The following SUPT3H variants were observed in gnomAD, a reference collection of about 807,000 sequenced individuals.
SUPT3H encodes transcription initiation protein SPT3 homolog.
Under a neutral mutation model 44.3 loss-of-function variants are expected in SUPT3H, and 44 were observed. That is an observed-to-expected ratio of 0.99 (90% confidence interval 0.78 to 1.28). The LOEUF (loss-of-function observed/expected upper bound fraction) is 1.28, where lower values mean the gene tolerates loss of function less well. Among genes scored for constraint, SUPT3H ranks in the 50% most tolerant of loss-of-function variants. The pLI is 0.00. For synonymous variants in SUPT3H, 124 were observed against 125.6 expected (o/e 0.99, Z 0.09); for missense variants, 380 against 387.1 (o/e 0.98, Z 0.15).
In SUPT3H at chr6:44,827,076, AG is replaced by A. The variant is rs1767838445; in HGVS notation, c.*2739del. On this transcript the variant is annotated 3_prime_UTR_variant, in exon 11 of 11. Transcript: ENST00000371459. ...TTCTACTTTCTTTACCCTTAAATCT[AG>A]GAAGCAGTATCAAGAGACGCTATTT... Among the ~76,000 whole-genome samples, 1 of 152,174 alleles carries A rather than the reference AG, an allele frequency of 6.6e-6. No individual in the cohort carries two copies. The highest frequency in any genetic ancestry group is 2.4e-5 in the African/African-American group (1 of 41,476).
chr6:45,126,908 T>TA (rs1021229801), intron 2 of SUPT3H, among the ~76,000 whole-genome samples: 2 of 151,978 alleles, frequency 1.3e-5, no homozygotes, highest in African/African-American at 2.4e-5. Flanking sequence ...AAAGCTTGCC[T>TA]AAAAAAAATT....
chr6:45,129,434 T>G (rs1462963496), intron 2 of SUPT3H, among the ~76,000 whole-genome samples: 1 of 152,370 alleles, frequency 6.6e-6, no homozygotes, highest in East Asian at 1.9e-4. Context: ...TTTCTAGTTA[T>G]GTGGTCTCAC....
chr6:44,902,062 C>T (rs1015053497), intron 10 of SUPT3H, among the ~76,000 whole-genome samples: 6 of 152,086 alleles, frequency 3.9e-5, no homozygotes, highest in Admixed American at 3.9e-4. Flanking sequence ...CCAGCCACTG[C>T]AAAATCATGC....
At chr6:44,838,920 C>G (rs1770427977) in intron 10 of SUPT3H, among the ~76,000 whole-genome samples, 1 of 152,182 alleles carries the variant, frequency 6.6e-6, no homozygotes, top group Non-Finnish European at 1.5e-5. Flanking sequence ...ATTTCTAAAA[C>G]AGAGTTGTGT....
chr6:45,087,978 A>G (rs1224220871), intron 3 of SUPT3H, among the ~76,000 whole-genome samples: 1 of 152,074 alleles, frequency 6.6e-6, no homozygotes, highest in Non-Finnish European at 1.5e-5. Context: ...AAGTGCTTTC[A>G]GTCAATGCTG....
At chr6:45,353,571 A>T (rs1453957512) in intron 2 of SUPT3H, among the ~76,000 whole-genome samples, 2 of 152,124 alleles carry the variant, frequency 1.3e-5, no homozygotes, top group Non-Finnish European at 2.9e-5. Context: ...CTGGCAAATC[A>T]ATTTGAAGAA....
At chr6:45,119,238 A>G (rs1186440095) in intron 2 of SUPT3H, among the ~76,000 whole-genome samples, 21 of 152,222 alleles carry the variant, frequency 1.4e-4, no homozygotes, top group Admixed American at 1.4e-3. Context: ...ACATAGTTGT[A>G]TAGTTATGTA....
intron 2 of SUPT3H, among the ~76,000 whole-genome samples, chr6:45,273,728 G>A (rs902096006): frequency 3.8e-4 from 57 of 151,942 alleles, no homozygotes; most frequent in Admixed American, 3.7e-3. Flanking sequence ...CAAATATTTG[G>A]GTCATTTTTA....
intron 2 of SUPT3H, among the ~76,000 whole-genome samples, chr6:45,308,603 G>T (rs943092706): frequency 8.5e-5 from 13 of 152,266 alleles, no homozygotes; most frequent in Admixed American, 7.8e-4. Flanking sequence ...GGGATCGGGG[G>T]AGGGAGGAGG....
At chr6:44,935,391 G>A (rs1021656753) in intron 9 of SUPT3H, among the ~76,000 whole-genome samples, 10 of 152,046 alleles carry the variant, frequency 6.6e-5, no homozygotes, top group African/African-American at 1.7e-4. Context: ...CTATAAACAC[G>A]TGTGAAGAGC....
intron 10 of SUPT3H, among the ~76,000 whole-genome samples, chr6:44,930,856 T>C (rs1770475057): frequency 6.6e-6 from 1 of 152,230 alleles, no homozygotes; most frequent in Non-Finnish European, 1.5e-5. Context: ...GCCCATTCTT[T>C]ATGTTTATTA....
intron 4 of SUPT3H, among the ~76,000 whole-genome samples, chr6:45,018,534 T>G (rs1014510133): frequency 2.0e-5 from 3 of 152,174 alleles, no homozygotes; most frequent in African/African-American, 7.2e-5. Context: ...AATACCTAAT[T>G]TATTGAGCGT....
chr6:45,230,688 T>TATATATATATATA (rs1562747134), intron 2 of SUPT3H, among the ~76,000 whole-genome samples: 2 of 39,854 alleles, frequency 5.0e-5, no homozygotes, highest in East Asian at 1.0e-3. Context: ...ATATATATAT[T>TATATATATATATA]TTTGAGATGG....
intron 2 of SUPT3H, among the ~76,000 whole-genome samples, chr6:45,336,199 CTT>C (rs1052134894): frequency 2.6e-5 from 4 of 151,368 alleles, no homozygotes; most frequent in Non-Finnish European, 5.9e-5. Flanking sequence ...ATTTTAAAAA[CTT>C]TTTACCACTA....
intron 2 of SUPT3H, among the ~76,000 whole-genome samples, chr6:45,133,295 A>C (rs538315405): frequency 3.5e-4 from 53 of 152,304 alleles, no homozygotes; most frequent in Admixed American, 6.5e-4. Context: ...TTATCTTCAA[A>C]AAGTGTTTTG....
At chr6:45,281,933 T>C (rs1012640509) in intron 2 of SUPT3H, among the ~76,000 whole-genome samples, 1 of 152,176 alleles carries the variant, frequency 6.6e-6, no homozygotes, top group African/African-American at 2.4e-5. Context: ...TGCTCACCAA[T>C]ATCTGCTGTT....
At chr6:45,374,553 C>T (rs1376670156) in intron 1 of SUPT3H, among the ~76,000 whole-genome samples, 1 of 152,240 alleles carries the variant, frequency 6.6e-6, no homozygotes. Flanking sequence ...TATAATAATG[C>T]ATATGGCTGA....
rs1370661500 is a variant in SUPT3H, at chr6:45,128,553, TATATACAC to T, written c.102-22555_102-22548del. On this transcript the variant is annotated intron_variant, in intron 2 of 10. Coordinates refer to ENST00000371459, the MANE Select transcript of SUPT3H (RefSeq NM_003599.4). ...AAAAAAATATATATATATATATATA[TATATACAC>T]ACACACACACACACACACACACATA... Among the ~76,000 whole-genome samples, 442 of 64,420 alleles carry T rather than the reference TATATACAC, an allele frequency of 6.9e-3. 10 individuals are homozygous for T. The highest frequency in any genetic ancestry group is 0.032 in the African/African-American group (397 of 12,218). The allele number at this position is 64,420 out of a possible 152,430, so 42.3% of individuals were successfully genotyped here.
intron 6 of SUPT3H, among the ~76,000 whole-genome samples, chr6:44,964,433 C>T (rs1776496756): frequency 6.6e-6 from 1 of 152,134 alleles, no homozygotes; most frequent in Non-Finnish European, 1.5e-5. Context: ...AGTTGGACAA[C>T]CAAGATTTGG....
Sources: gnomAD v4.1 joint callset for allele counts (sites outside exome capture counted in the v4.1 genomes callset) on GRCh38, gnomAD v4.1.1 for gene constraint, MANE v1.5 for transcripts, NCBI Gene and HGNC (gene_info 2026-07-23, HGNC 2026-07-21) for gene names.